Variants in IMMP2L observed in about 807,000 individuals in gnomAD.
The protein encoded by IMMP2L is inner mitochondrial membrane peptidase subunit 2.
In IMMP2L, 18 loss-of-function variants were observed where a neutral mutation model predicts 19.3. The observed-to-expected ratio is 0.93, with a 90% CI of 0.64 to 1.38. IMMP2L has a LOEUF of 1.38. Among genes scored for constraint, IMMP2L ranks in the 40% most tolerant of loss-of-function variants. The pLI is 0.00. For missense variants in IMMP2L, 233 were observed against 218.2 expected (o/e 1.07, Z -0.43); for synonymous variants, 76 against 73.0 (o/e 1.04, Z -0.21).
chr7:110,961,217 C>T (rs1818898071), intron 4 of IMMP2L, among the ~76,000 whole-genome samples: 1 of 151,758 alleles, frequency 6.6e-6, no homozygotes, highest in South Asian at 2.1e-4. Flanking sequence ...GATTCATTCC[C>T]ACAAATATAG....
At chr7:111,433,988 G>A (rs562704793) in intron 3 of IMMP2L, among the ~76,000 whole-genome samples, 2 of 151,698 alleles carry the variant, frequency 1.3e-5, no homozygotes, top group South Asian at 2.1e-4. Context: ...AATAGCCACA[G>A]CAATCCTAAG....
intron 3 of IMMP2L, among the ~76,000 whole-genome samples, chr7:111,259,376 T>G (rs991824981): frequency 1.3e-5 from 2 of 152,192 alleles, no homozygotes; most frequent in Non-Finnish European, 2.9e-5. Context: ...GGCTCATGAC[T>G]GTAATCCCAA....
At chr7:111,394,015 T>A (rs762403963) in intron 3 of IMMP2L, among the ~76,000 whole-genome samples, 11 of 152,252 alleles carry the variant, frequency 7.2e-5, no homozygotes, top group Non-Finnish European at 1.3e-4. Context: ...TAGGAAACAG[T>A]TGTTCATCAG....
At chr7:111,470,490 T>C (rs1395272471) in intron 3 of IMMP2L, among the ~76,000 whole-genome samples, 1 of 151,830 alleles carries the variant, frequency 6.6e-6, no homozygotes, top group Non-Finnish European at 1.5e-5. Flanking sequence ...CCAACAGTGA[T>C]AGACTAGATT....
intron 5 of IMMP2L, among the ~76,000 whole-genome samples, chr7:110,726,897 T>C (rs141918790): frequency 1.3e-4 from 20 of 152,316 alleles, no homozygotes; most frequent in African/African-American, 4.3e-4. Flanking sequence ...GTTGTGGGCA[T>C]TTTGTAAGAA....
In IMMP2L at chr7:111,150,956, C is replaced by G. The variant is rs117528163; in HGVS notation, c.240-187391G>C. 6.1e-3 allele frequency among the ~76,000 whole-genome samples: 931 copies of G among 152,236 alleles called. 3 individuals carry two copies. Among genetic ancestry groups the G allele is most frequent in the Non-Finnish European group, 8.9e-3 (602 of 68,020 alleles). The stretch of plus-strand genomic sequence containing the variant: ...ATTACAAGCACTGGTGGCTTTTATT[C>G]CATAGGAAAAGCTGTTTCCCACCAG... On this transcript the variant is annotated intron_variant, in intron 3 of 5. Coordinates refer to ENST00000405709, the MANE Select transcript of IMMP2L (RefSeq NM_032549.4).
At chr7:110,845,944 C>T (rs1805612618) in intron 5 of IMMP2L, among the ~76,000 whole-genome samples, 1 of 152,140 alleles carries the variant, frequency 6.6e-6, no homozygotes, top group African/African-American at 2.4e-5. Context: ...AACAGGCCCT[C>T]AGCAGACACT....
At chr7:111,456,587 C>T (rs535225940) in intron 3 of IMMP2L, among the ~76,000 whole-genome samples, 86 of 152,222 alleles carry the variant, frequency 5.6e-4, no homozygotes, top group African/African-American at 1.8e-3. Flanking sequence ...TATTTATGAA[C>T]GATATCAATC....
chr7:110,670,412 G>A (rs1461270389), intron 5 of IMMP2L, among the ~76,000 whole-genome samples: 1 of 152,164 alleles, frequency 6.6e-6, no homozygotes, highest in Admixed American at 6.5e-5. Context: ...CTACGCAGCC[G>A]GGTGTGGTGG....
intron 5 of IMMP2L, among the ~76,000 whole-genome samples, chr7:110,784,244 T>G (rs142684273): frequency 6.6e-6 from 1 of 152,024 alleles, no homozygotes; most frequent in Admixed American, 6.6e-5. Flanking sequence ...AAAGACCTTA[T>G]TTTACTTTTA....
At chr7:111,408,156 T>C (rs1834058379) in intron 3 of IMMP2L, among the ~76,000 whole-genome samples, 1 of 149,416 alleles carries the variant, frequency 6.7e-6, no homozygotes, top group African/African-American at 2.6e-5. Context: ...AAGTAGAAGA[T>C]AATACCATAT....
At chr7:110,747,539 G>T (rs570560193) in intron 5 of IMMP2L, among the ~76,000 whole-genome samples, 4 of 152,130 alleles carry the variant, frequency 2.6e-5, no homozygotes, top group Admixed American at 2.6e-4. Flanking sequence ...ACATCAAAAG[G>T]CTTATCCACC....
rs1798081460 is a variant in IMMP2L at position 110,757,099 on chromosome 7, T to C, written c.409-93378A>G. 6.6e-6 allele frequency among the ~76,000 whole-genome samples: 1 copy of C among 151,926 alleles called. No individual in the cohort carries two copies. The highest frequency in any genetic ancestry group is 1.5e-5 in the Non-Finnish European group (1 of 67,966). ...TGGGTCAGATAAATAACAAACCAAA[T>C]AAATAAGTTAAATGATATAGCATGT... is the stretch of plus-strand genomic sequence containing the variant. On this transcript the variant is annotated intron_variant, in intron 5 of 5. Transcript: ENST00000405709. This position sits in a 1 kb window ranked among gnomAD's most constrained non-coding sequence, Gnocchi z 4.2.
intron 5 of IMMP2L, among the ~76,000 whole-genome samples, chr7:110,679,161 C>T (rs188414217): frequency 1.3e-3 from 202 of 152,144 alleles, no homozygotes; most frequent in African/African-American, 4.6e-3. Flanking sequence ...AAAATAGATA[C>T]AAAACAGGCC....
intron 3 of IMMP2L, among the ~76,000 whole-genome samples, chr7:111,422,564 T>C (rs1237655820): frequency 1.3e-5 from 2 of 151,850 alleles, no homozygotes; most frequent in Non-Finnish European, 2.9e-5. Context: ...TGCACATTGG[T>C]TTTGCATCCT....
intron 3 of IMMP2L, among the ~76,000 whole-genome samples, chr7:111,101,523 C>T (rs549932398): frequency 2.6e-4 from 40 of 151,274 alleles, no homozygotes; most frequent in Middle Eastern, 3.4e-3. Flanking sequence ...CCACTGTCTA[C>T]CATTTTTGTT....
At chr7:111,446,987 CG>C (rs1427893288) in intron 3 of IMMP2L, among the ~76,000 whole-genome samples, 10 of 148,554 alleles carry the variant, frequency 6.7e-5, no homozygotes, top group African/African-American at 2.5e-4. Flanking sequence ...TGAAATGAAG[CG>C]AGAAGGGAAG....
chr7:111,301,920 TTAAAAAA>T (rs1302566129), intron 3 of IMMP2L, among the ~76,000 whole-genome samples: 2 of 84,016 alleles, frequency 2.4e-5, no homozygotes, highest in Non-Finnish European at 4.5e-5. Flanking sequence ...GTTTCATGCT[TTAAAAAA>T]AAAAAAAAAA....
chr7:110,965,581 T>C (rs1055132625), intron 3 of IMMP2L, among the ~76,000 whole-genome samples: 1 of 151,962 alleles, frequency 6.6e-6, no homozygotes. Flanking sequence ...AATGTACAGC[T>C]GAAGTGAGGG....
Sources: allele counts gnomAD v4.1 joint callset (sites outside exome capture counted in the v4.1 genomes callset), GRCh38; gene constraint gnomAD v4.1.1; non-coding constraint Gnocchi (gnomAD v3.1); transcripts MANE v1.5; gene names NCBI Gene and HGNC (gene_info 2026-07-23, HGNC 2026-07-21).